The following CACFD1 variants were observed in gnomAD, a reference collection of about 807,000 sequenced individuals.
The protein encoded by CACFD1 is calcium channel flower domain containing 1, also known as calcium channel flower homolog.
A neutral mutation model predicts 21.3 loss-of-function variants in CACFD1; 26 were observed. The observed-to-expected ratio is 1.22, with a 90% CI of 0.89 to 1.69. The LOEUF is 1.69. Among genes scored for constraint, CACFD1 ranks in the 40% most tolerant of loss-of-function variants. CACFD1 has a pLI of 0.00. For missense variants in CACFD1, 265 were observed against 236.2 expected, an observed-to-expected ratio of 1.12 and a Z score of -0.80; for synonymous variants, 121 against 106.6, an observed-to-expected ratio of 1.13 and a Z score of -0.83.
intron 1 of CACFD1, 135 bp downstream of exon 1, chr9:133,460,322 G>T: frequency 4.9e-6 from 4 of 811,570 alleles, no homozygotes; most frequent in Non-Finnish European, 6.9e-6. Flanking sequence ...GCCTCCCGGG[G>T]CGGAGGAATG....
rs978025673 is a variant in CACFD1 at position 133,465,472 on chromosome 9, C to T, written c.320+25C>T. On this transcript the variant is annotated intron_variant, in intron 3 of 4. Transcript: ENST00000316948. This position sits in a 1 kb window ranked among gnomAD's most constrained non-coding sequence, Gnocchi z 5.0. The stretch of plus-strand genomic sequence containing the variant: ...GGTGAGGGGTTGCTGGGCAGGGTCC[C>T]GTGACACAGTTCCCCAAAACCCCAC... The T allele has an allele frequency of 7.6e-6, 12 of 1,587,106 alleles. No individual in the cohort carries two copies. Among genetic ancestry groups the T allele is most frequent in the Admixed American group, 6.9e-5 (4 of 58,030 alleles).
At chr9:133,460,290 G>T in intron 1 of CACFD1, 103 bp downstream of exon 1, 2 of 1,059,688 alleles carry the variant, frequency 1.9e-6, no homozygotes, top group Non-Finnish European at 1.2e-6. Context: ...AGGACCCGCT[G>T]GGGGTCGGGG....
Position 133,460,118 on chromosome 9 carries a change from G to A in CACFD1, c.52G>A (p.Ala18Thr). 1.3e-6 allele frequency: 2 copies of A among 1,563,338 alleles called. No individual in the cohort carries two copies. The highest frequency in any genetic ancestry group is 2.4e-5 in the East Asian group (1 of 41,768). Residue 18 changes from alanine to threonine, a missense_variant, in exon 1 of 5, where the codon GCG (alanine) becomes ACG (threonine). By Grantham distance (58) the Ala-to-Thr change is moderately conservative. Transcript: ENST00000316948. ...GGCGTCCGCCAGCTCTGCGCCGCCCGCGCAGGAAGAGGGCATGACGTGGTG... is the reference window on the plus strand; with the variant it reads ...GGCGTCCGCCAGCTCTGCGCCGCCCACGCAGGAAGAGGGCATGACGTGGTG... Reference protein sequence around the residue: ...PGASASSAPPAQEEGMTWWYR... With the variant: ...PGASASSAPPTQEEGMTWWYR...
chr9:133,465,345 T>G lies in CACFD1; in HGVS notation c.218T>G (p.Leu73Arg). The G allele has an allele frequency of 6.2e-7, 1 of 1,614,076 alleles. No individual in the cohort carries two copies. The highest frequency in any genetic ancestry group is 8.5e-7 in the Non-Finnish European group (1 of 1,179,964). Residue 73 changes from leucine (L) to arginine (R), a missense_variant, in exon 3 of 5, where the codon CTG becomes CGG. Physicochemically the swap from Leu to Arg is moderately radical, Grantham distance 102. Coordinates refer to ENST00000316948, the MANE Select transcript of CACFD1 (RefSeq NM_017586.5). The surrounding 1 kb of genome is among the most constrained non-coding windows in gnomAD (Gnocchi z 5.0). ...AGCATGAATGCCTTCATCTTGTTGC[T>G]GTGTGAGGCGCCCTTCTGCTGCCAG... Reference protein sequence around the residue: ...WMIMNAFILLLCEAPFCCQFI... With the variant: ...WMIMNAFILLRCEAPFCCQFI...
At chr9:133,468,192 G>A in intron 4 of CACFD1, 164 bp downstream of exon 4, 2 of 1,123,274 alleles carry the variant, frequency 1.8e-6, no homozygotes, top group Non-Finnish European at 2.5e-6. Context: ...AGTGGGTGAA[G>A]ACAGAGGACT....
intron 3 of CACFD1, among the ~76,000 whole-genome samples, chr9:133,466,951 C>T (rs919577027): frequency 6.6e-6 from 1 of 152,190 alleles, no homozygotes; most frequent in Non-Finnish European, 1.5e-5. Flanking sequence ...GTATTTCCTG[C>T]AACTATTTTT....
Position 133,467,162 on chromosome 9 carries a change from C to T in CACFD1, c.321-759C>T, listed in dbSNP as rs910817244. Among the ~76,000 whole-genome samples, 4 of 152,352 alleles carry T rather than the reference C, an allele frequency of 2.6e-5. No homozygotes were observed. In the East Asian group the frequency reaches 7.7e-4, roughly 29 times the overall value. Reference sequence around the variant, plus strand: ...CTTGTCCTCCTGCACAGGCAGCCTCCTCTAGGGAGGCGACAGGACAGAGCG... The same window carrying T: ...CTTGTCCTCCTGCACAGGCAGCCTCTTCTAGGGAGGCGACAGGACAGAGCG... On this transcript the variant is annotated intron_variant, in intron 3 of 4. Transcript: ENST00000316948.
In CACFD1 at chr9:133,469,720, C is replaced by G. The variant is rs587714377; in HGVS notation, c.*1067C>G. On this transcript the variant is annotated 3_prime_UTR_variant, in exon 5 of 5. Coordinates refer to ENST00000316948, the MANE Select transcript of CACFD1 (RefSeq NM_017586.5). ...CTGTGGCCTCAGCCCGCTGGCCTCT[C>G]TGACCGTGAGGCTGGCTCTCAGCCA... The G allele has an allele frequency of 6.6e-6, 1 of 152,432 alleles. No individual in the cohort carries two copies. The highest frequency in any genetic ancestry group is 2.1e-4 in the South Asian group (1 of 4,832). The allele number at this position is 152,432 out of a possible 1,614,324, so 9.4% of individuals were successfully genotyped here.
chr9:133,459,986 C>G lies in CACFD1; in HGVS notation c.-81C>G. On this transcript the variant is annotated 5_prime_UTR_variant, in exon 1 of 5. Transcript: ENST00000316948. ...CCCTATGCTAATATGCTCCCTCTCC[C>G]ACAAGGCAGCGCGCCGGCTCGGACG... 6.9e-7 allele frequency: 1 copy of G among 1,442,390 alleles called. No individual in the cohort carries two copies. Among genetic ancestry groups the G allele is most frequent in the Non-Finnish European group, 9.1e-7 (1 of 1,098,664 alleles). 89.3% of individuals were successfully genotyped at this position (1,442,390 alleles called of 1,614,324 possible).
chr9:133,465,327 A>T lies in CACFD1; in HGVS notation c.200A>T (p.Asn67Ile). 6.2e-7 allele frequency: 1 copy of T among 1,614,026 alleles called. No individual in the cohort carries two copies. Among genetic ancestry groups the T allele is most frequent in the Non-Finnish European group, 8.5e-7 (1 of 1,179,998 alleles). ...NIAAGVWMIM[N>I]AFILLLCEAP... ...TCCTGCCCTGGTCCCTGCAGCATGA[A>T]TGCCTTCATCTTGTTGCTGTGTGAG... The change falls in exon 3 of 5, where the codon AAT becomes ATT. Residue 67 changes from asparagine (N) to isoleucine (I), a missense_variant. Transcript: ENST00000316948. The surrounding 1 kb of genome is among the most constrained non-coding windows in gnomAD (Gnocchi z 5.0).
chr9:133,460,314 C>T (rs1326107611), intron 1 of CACFD1, 127 bp downstream of exon 1: 4 of 894,640 alleles, frequency 4.5e-6, no homozygotes, highest in African/African-American at 1.8e-5. Context: ...TGCCGGGCGC[C>T]TCCCGGGGCG....
At chr9:133,466,594 C>T (rs1843446816) in intron 3 of CACFD1, among the ~76,000 whole-genome samples, 1 of 151,898 alleles carries the variant, frequency 6.6e-6, no homozygotes, top group Non-Finnish European at 1.5e-5. Flanking sequence ...TCTGCTAAAA[C>T]TTTTTCTGTG....
chr9:133,463,409 A>T (rs1054602652), intron 1 of CACFD1, 74 bp from the exon 2 acceptor site: 1 of 1,609,118 alleles, frequency 6.2e-7, no homozygotes, highest in Non-Finnish European at 8.5e-7. Context: ...CTTTCCAGTC[A>T]TCTCCCAAGG....
intron 1 of CACFD1, 105 bp downstream of exon 1, chr9:133,460,292 G>A (rs985107296): frequency 3.4e-5 from 36 of 1,062,300 alleles, no homozygotes; most frequent in African/African-American, 5.0e-5. Context: ...GACCCGCTGG[G>A]GGTCGGGGGT....
chr9:133,468,044 C>G lies in CACFD1; in HGVS notation c.428+16C>G. 6.2e-7 allele frequency: 1 copy of G among 1,603,210 alleles called. No homozygotes were observed. Among genetic ancestry groups the G allele is most frequent in the African/African-American group, 1.3e-5 (1 of 74,838 alleles). The stretch of plus-strand genomic sequence containing the variant: ...TGGGCAAAAAGTGCGTCTGCCAGGC[C>G]CAGCCCCTGGGCAGGGCCTTCCTCC... On this transcript the variant is annotated intron_variant, in intron 4 of 4. Transcript: ENST00000316948.
In CACFD1 at chr9:133,460,040, C is replaced by T. The variant is rs995008715; in HGVS notation, c.-27C>T. The T allele has an allele frequency of 1.3e-6, 2 of 1,538,362 alleles. No homozygotes were observed. The highest frequency in any genetic ancestry group is 1.2e-5 in the South Asian group (1 of 83,850). On this transcript the variant is annotated 5_prime_UTR_variant, in exon 1 of 5. Transcript: ENST00000316948. Reference sequence around the variant, plus strand: ...CCGGCTACCGAGCCCTTTGTGAGGGCTGTGAGCTGCGCCTGACGGTGGCAC... The same window carrying T: ...CCGGCTACCGAGCCCTTTGTGAGGGTTGTGAGCTGCGCCTGACGGTGGCAC...
intron 2 of CACFD1, among the ~76,000 whole-genome samples, chr9:133,464,783 G>T (rs1554799205): frequency 6.6e-6 from 1 of 152,202 alleles, no homozygotes; most frequent in East Asian, 1.9e-4. Flanking sequence ...GTGTCCCCGG[G>T]CCTGGGGCCG....
intron 1 of CACFD1, 38 bp downstream of exon 1, chr9:133,460,225 C>A: frequency 6.7e-7 from 1 of 1,492,116 alleles, no homozygotes; most frequent in African/African-American, 1.5e-5. Context: ...GGCCCCGCCG[C>A]GCATGCGCTC....
At chr9:133,462,321 CTG>C (rs1305044281) in intron 1 of CACFD1, 3 of 1,293,930 alleles carry the variant, frequency 2.3e-6, no homozygotes, top group Admixed American at 2.3e-5. Flanking sequence ...GAACACCTTG[CTG>C]TCTGAAGGCA....
Sources: gnomAD v4.1 joint callset for allele counts (sites outside exome capture counted in the v4.1 genomes callset) on GRCh38, gnomAD v4.1.1 for gene constraint, Gnocchi (gnomAD v3.1) non-coding constraint, MANE v1.5 for transcripts, NCBI Gene and HGNC (gene_info 2026-07-23, HGNC 2026-07-21) for gene names.